Variants in GABBR2 observed in about 807,000 individuals in gnomAD.
The protein encoded by GABBR2 is G-protein coupled receptor 51.
Under a neutral mutation model 105.6 loss-of-function variants are expected in GABBR2, and 23 were observed. That is an observed-to-expected ratio of 0.22 (90% CI 0.16 to 0.31). The LOEUF (loss-of-function observed/expected upper bound fraction) is 0.31. Among genes scored for constraint, GABBR2 ranks in the 10% least tolerant of loss-of-function variants. GABBR2 has a pLI of 1.00. For missense variants in GABBR2, 734 were observed against 1,245.5 expected, an observed-to-expected ratio of 0.59 and a Z score of 6.18; for synonymous variants, 478 against 499.7, an observed-to-expected ratio of 0.96 and a Z score of 0.58.
chr9:98,603,185 CTCATT>C (rs1372625371), intron 1 of GABBR2, among the ~76,000 whole-genome samples: 1 of 152,214 alleles, frequency 6.6e-6, no homozygotes, highest in Non-Finnish European at 1.5e-5. Context: ...TACAGAGCAC[CTCATT>C]TCATTTGCCA....
At chr9:98,700,866 C>G (rs1830821454) in intron 1 of GABBR2, among the ~76,000 whole-genome samples, 2 of 152,196 alleles carry the variant, frequency 1.3e-5, no homozygotes, top group Admixed American at 1.3e-4. Flanking sequence ...GGGAGACTCA[C>G]AATACAAAAG....
intron 1 of GABBR2, among the ~76,000 whole-genome samples, chr9:98,615,496 T>C (rs1829569894): frequency 6.6e-6 from 1 of 152,212 alleles, no homozygotes; most frequent in Non-Finnish European, 1.5e-5. Flanking sequence ...GTTTTAGACA[T>C]GCCCTTATTG....
intron 1 of GABBR2, among the ~76,000 whole-genome samples, chr9:98,688,282 T>C (rs1008002253): frequency 6.6e-6 from 1 of 152,156 alleles, no homozygotes; most frequent in Non-Finnish European, 1.5e-5. Context: ...TTTTTGGCTC[T>C]GCCACCTCAA....
chr9:98,322,409 C>T (rs868379064), intron 13 of GABBR2, among the ~76,000 whole-genome samples: 1 of 152,146 alleles, frequency 6.6e-6, no homozygotes, highest in African/African-American at 2.4e-5. Flanking sequence ...TTTGCCTTCC[C>T]TCCTGCCCCA....
At chr9:98,519,825 A>G (rs1490134917) in intron 3 of GABBR2, among the ~76,000 whole-genome samples, 1 of 152,120 alleles carries the variant, frequency 6.6e-6, no homozygotes, top group African/African-American at 2.4e-5. Context: ...GTGCAAATGA[A>G]TGGGTGTGGC....
Position 98,299,341 on chromosome 9 carries a change from A to C in GABBR2, c.2425T>G (p.Leu809Val), listed in dbSNP as rs1388522782. Residue 809 changes from leucine (L) to valine (V), a missense_variant, in exon 17 of 19, where the codon TTG (leucine) becomes GTG (valine). By Grantham distance (32) the Leu-to-Val change is conservative. Coordinates refer to ENST00000259455, the MANE Select transcript of GABBR2 (RefSeq NM_005458.8). ...RMKITELDKD[L>V]EEVTMQLQDT... is the part of the protein sequence containing the mutation. ...TGCAGCTGCATGGTGACCTCTTCCA[A>C]GTCTTTATCCAGCTACAAGACAAAG... 1 of 1,614,004 alleles carries C rather than the reference A, an allele frequency of 6.2e-7. No individual in the cohort carries two copies. The highest frequency in any genetic ancestry group is 8.5e-7 in the Non-Finnish European group (1 of 1,179,940).
At chr9:98,543,736 A>G (rs1413438300) in intron 2 of GABBR2, among the ~76,000 whole-genome samples, 1 of 152,188 alleles carries the variant, frequency 6.6e-6, no homozygotes, top group African/African-American at 2.4e-5. Flanking sequence ...TAATTTGACT[A>G]GTAGTCTTCC....
chr9:98,359,154 G>A (rs1386191513), intron 13 of GABBR2, among the ~76,000 whole-genome samples: 2 of 152,202 alleles, frequency 1.3e-5, no homozygotes, highest in African/African-American at 2.4e-5. Flanking sequence ...ATGGCTGGGC[G>A]AGGTGGCTCA....
chr9:98,358,356 G>C (rs1395147807), intron 13 of GABBR2, among the ~76,000 whole-genome samples: 1 of 152,228 alleles, frequency 6.6e-6, no homozygotes, highest in Non-Finnish European at 1.5e-5. Context: ...TGTCCTCTCA[G>C]CACTTGGTTC....
intron 13 of GABBR2, among the ~76,000 whole-genome samples, chr9:98,355,640 C>T (rs551544667): frequency 1.8e-4 from 28 of 152,286 alleles, no homozygotes; most frequent in Admixed American, 7.8e-4. Context: ...GGTAAGATGT[C>T]AATACTTCCC....
At chr9:98,477,955 G>A (rs905723553) in intron 5 of GABBR2, among the ~76,000 whole-genome samples, 16 of 152,120 alleles carry the variant, frequency 1.1e-4, no homozygotes, top group African/African-American at 2.7e-4. Context: ...GATGTAAAGC[G>A]ACCTGATTGA....
intron 13 of GABBR2, among the ~76,000 whole-genome samples, chr9:98,312,550 G>C (rs1830651978): frequency 6.6e-6 from 1 of 152,206 alleles, no homozygotes; most frequent in South Asian, 2.1e-4. Context: ...ATCTGTGGGA[G>C]CTACTTTGAG....
intron 3 of GABBR2, among the ~76,000 whole-genome samples, chr9:98,523,230 T>C (rs569447453): frequency 5.9e-5 from 9 of 152,242 alleles, no homozygotes; most frequent in African/African-American, 2.2e-4. Context: ...AAAGGGAAGG[T>C]ATTATTCAGG....
At chr9:98,332,278 A>G (rs910946589) in intron 13 of GABBR2, among the ~76,000 whole-genome samples, 1 of 152,222 alleles carries the variant, frequency 6.6e-6, no homozygotes, top group Non-Finnish European at 1.5e-5. Context: ...TGCTCTTGGC[A>G]GCAGTGCACC....
chr9:98,558,915 A>C (rs1162540319), intron 2 of GABBR2, among the ~76,000 whole-genome samples: 1 of 152,214 alleles, frequency 6.6e-6, no homozygotes, highest in Non-Finnish European at 1.5e-5. Context: ...GTAGAAACTG[A>C]AAACAAGCAT....
At chr9:98,481,575 T>C (rs1826923590) in intron 4 of GABBR2, among the ~76,000 whole-genome samples, 1 of 152,184 alleles carries the variant, frequency 6.6e-6, no homozygotes, top group Non-Finnish European at 1.5e-5. Flanking sequence ...AGACTTGCTT[T>C]GAGCTTTGTT....
chr9:98,318,580 G>T (rs1830760992), intron 13 of GABBR2, among the ~76,000 whole-genome samples: 1 of 152,142 alleles, frequency 6.6e-6, no homozygotes, highest in East Asian at 1.9e-4. Context: ...TGCACATGAG[G>T]AGGGCCACGC....
intron 3 of GABBR2, among the ~76,000 whole-genome samples, chr9:98,499,767 C>T (rs1827363988): frequency 6.6e-6 from 1 of 152,198 alleles, no homozygotes; most frequent in East Asian, 1.9e-4. Flanking sequence ...TAAAACAGAG[C>T]CAGGCCAGGT....
intron 17 of GABBR2, among the ~76,000 whole-genome samples, chr9:98,295,976 G>A (rs62574302): frequency 7.4e-4 from 112 of 152,346 alleles, no homozygotes; most frequent in Non-Finnish European, 1.4e-3. Context: ...ATCCACTGTT[G>A]ATGGAGGCTT....
Sources: gnomAD v4.1 joint callset for allele counts (sites outside exome capture counted in the v4.1 genomes callset) on GRCh38, gnomAD v4.1.1 for gene constraint, MANE v1.5 for transcripts, NCBI Gene and HGNC (gene_info 2026-07-23, HGNC 2026-07-21) for gene names.